Variants in AP3B1 observed in about 807,000 individuals in gnomAD.
The protein encoded by AP3B1 is AP-3 complex subunit beta-1.
A neutral mutation model predicts 132.5 loss-of-function variants in AP3B1; 61 were observed. That is an observed-to-expected ratio of 0.46 (90% confidence interval 0.37 to 0.57). AP3B1 has a LOEUF of 0.57. Ranked by LOEUF, AP3B1 falls within the 20% of genes least tolerant of loss-of-function variation. AP3B1 has a pLI of 0.00. For synonymous variants in AP3B1, 388 were observed against 438.3 expected (o/e 0.89, Z 1.43); for missense variants, 1,120 against 1,289.4 (o/e 0.87, Z 2.01).
chr5:78,214,837 T>A (rs1030247334), intron 7 of AP3B1, among the ~76,000 whole-genome samples: 2 of 152,156 alleles, frequency 1.3e-5, no homozygotes, highest in Non-Finnish European at 2.9e-5. Context: ...TTCATCAATT[T>A]AAGAGCATTA....
At chr5:78,091,404 G>C (rs922659126) in intron 21 of AP3B1, among the ~76,000 whole-genome samples, 34 of 152,220 alleles carry the variant, frequency 2.2e-4, no homozygotes, top group African/African-American at 7.2e-4. Flanking sequence ...AGGTTGGATG[G>C]GGAGGGAGTG....
intron 19 of AP3B1, among the ~76,000 whole-genome samples, chr5:78,111,122 TCTAC>T (rs1175443865): frequency 1.3e-5 from 2 of 152,192 alleles, no homozygotes; most frequent in African/African-American, 4.8e-5. Context: ...TTATACATTT[TCTAC>T]CCAAGAAAAT....
intron 2 of AP3B1, among the ~76,000 whole-genome samples, chr5:78,257,308 CAAAT>C (rs1327228485): frequency 6.6e-6 from 1 of 152,064 alleles, no homozygotes; most frequent in African/African-American, 2.4e-5. Context: ...AACTGATAAA[CAAAT>C]TAAGTAAAGT....
At chr5:78,053,793 A>C (rs774765485) in intron 22 of AP3B1, among the ~76,000 whole-genome samples, 14 of 151,978 alleles carry the variant, frequency 9.2e-5, no homozygotes, top group Non-Finnish European at 1.5e-4. Context: ...ATACTATACG[A>C]GGTCTCTCTA....
chr5:78,094,672 CTTTT>C (rs1208833878), intron 21 of AP3B1, among the ~76,000 whole-genome samples: 4 of 151,870 alleles, frequency 2.6e-5, no homozygotes, highest in African/African-American at 9.7e-5. Flanking sequence ...TTGACTGACT[CTTTT>C]TTTCTTTCTT....
chr5:78,153,697 G>GTTT (rs1460985680), intron 14 of AP3B1, among the ~76,000 whole-genome samples: 2 of 151,856 alleles, frequency 1.3e-5, no homozygotes, highest in Non-Finnish European at 2.9e-5. Context: ...TTAATTTCTT[G>GTTT]TTTTTTATAT....
At chr5:78,241,029 C>G (rs944264310) in intron 2 of AP3B1, 93 bp from the exon 3 acceptor site, 17 of 880,698 alleles carry the variant, frequency 1.9e-5, no homozygotes, top group Non-Finnish European at 3.0e-5. Context: ...TAATTAACCG[C>G]TGAACTCTTT....
At chr5:78,209,165 C>T (rs116266561) in intron 7 of AP3B1, among the ~76,000 whole-genome samples, 1,618 of 152,042 alleles carry the variant, frequency 0.011, 33 homozygotes, top group African/African-American at 0.037. Flanking sequence ...CTTCTCACGA[C>T]CAAGGGCATT....
At chr5:78,227,590 T>A (rs1268081105) in intron 4 of AP3B1, 58 bp from the exon 5 acceptor site, 17 of 1,556,080 alleles carry the variant, frequency 1.1e-5, no homozygotes, top group Admixed American at 1.7e-5. Context: ...TTTAAACATA[T>A]CTTTCAGACA....
intron 7 of AP3B1, among the ~76,000 whole-genome samples, chr5:78,189,144 A>G (rs1301365549): frequency 1.3e-5 from 2 of 152,136 alleles, no homozygotes; most frequent in Non-Finnish European, 2.9e-5. Context: ...TGGGTGATGG[A>G]TTGATAGGTG....
intron 11 of AP3B1, among the ~76,000 whole-genome samples, chr5:78,173,328 C>T (rs1580443034): frequency 6.6e-6 from 1 of 152,068 alleles, no homozygotes; most frequent in Non-Finnish European, 1.5e-5. Flanking sequence ...CCTTCTGTCT[C>T]GTTGATTTGT....
intron 22 of AP3B1, among the ~76,000 whole-genome samples, chr5:78,072,832 C>T (rs1749599128): frequency 6.8e-6 from 1 of 147,380 alleles, no homozygotes; most frequent in African/African-American, 2.5e-5. Context: ...GGCAATTCTC[C>T]TGCCTCAGCC....
chr5:78,004,403 T>C (rs1244884681), intron 26 of AP3B1, among the ~76,000 whole-genome samples: 1 of 152,150 alleles, frequency 6.6e-6, no homozygotes, highest in Non-Finnish European at 1.5e-5. Context: ...TCAGAAAAAC[T>C]TCACTCCCGA....
At position 78,118,002 on chromosome 5, in the gene AP3B1, C is replaced by T. The variant is rs143871384; in HGVS notation, c.1969-1768G>A. On this transcript the variant is annotated intron_variant, in intron 17 of 26. Transcript: ENST00000255194. ...TATTGTAAAGGAGTCTACAGCATGA[C>T]AGAATTTCTTATTCAAGAATGTTTC... Among the ~76,000 whole-genome samples the T allele has an allele frequency of 4.7e-3, 714 of 152,268 alleles. 3 individuals carry two copies. Among genetic ancestry groups the T allele is most frequent in the African/African-American group, 0.016 (665 of 41,554 alleles).
chr5:78,267,181 A>T (rs1380178518), intron 2 of AP3B1, among the ~76,000 whole-genome samples: 1 of 152,102 alleles, frequency 6.6e-6, no homozygotes, highest in East Asian at 1.9e-4. Context: ...ATCATTCTTT[A>T]GTATCCCTCT....
intron 24 of AP3B1, among the ~76,000 whole-genome samples, chr5:78,030,862 A>T (rs1442034911): frequency 6.6e-6 from 1 of 152,004 alleles, no homozygotes; most frequent in Non-Finnish European, 1.5e-5. Flanking sequence ...GATTTTTGGT[A>T]GAGACAAGGT....
chr5:78,107,714 C>T (rs1202139468), intron 20 of AP3B1, among the ~76,000 whole-genome samples: 1 of 151,822 alleles, frequency 6.6e-6, no homozygotes, highest in Non-Finnish European at 1.5e-5. Flanking sequence ...AGCTCAGAGG[C>T]TGTAGGTAAG....
At chr5:78,117,168 C>A (rs1051997641) in intron 17 of AP3B1, among the ~76,000 whole-genome samples, 3 of 146,716 alleles carry the variant, frequency 2.0e-5, no homozygotes, top group African/African-American at 7.6e-5. Flanking sequence ...CCATTCCCCA[C>A]CACCTTTTTT....
intron 25 of AP3B1, chr5:78,015,798 T>C (rs184503742): frequency 3.1e-5 from 14 of 444,840 alleles, no homozygotes; most frequent in Admixed American, 2.2e-4. Flanking sequence ...TTAAGTATGA[T>C]AGGATAAAAA....
Sources: allele counts gnomAD v4.1 joint callset (sites outside exome capture counted in the v4.1 genomes callset), GRCh38; gene constraint gnomAD v4.1.1; transcripts MANE v1.5; gene names NCBI Gene and HGNC (gene_info 2026-07-23, HGNC 2026-07-21).